Variants in CFAP44 observed in about 807,000 individuals in gnomAD.
CFAP44 encodes the protein cilia and flagella associated protein 44.
Under a neutral mutation model 216.2 loss-of-function variants are expected in CFAP44, and 134 were observed. The observed-to-expected ratio is 0.62, with a 90% CI of 0.54 to 0.72. CFAP44 has a LOEUF of 0.72. CFAP44 is among the 30% of genes least tolerant of loss of function. The pLI is 0.00. For missense variants in CFAP44, 2,035 were observed against 2,182.1 expected (o/e 0.93, Z 1.34); for synonymous variants, 700 against 727.6 (o/e 0.96, Z 0.61).
intron 3 of CFAP44, 83 bp downstream of exon 3, chr3:113,427,104 C>A (rs1177537650): frequency 7.0e-7 from 1 of 1,433,584 alleles, no homozygotes; most frequent in African/African-American, 1.4e-5. Context: ...ATTTTTCTTT[C>A]TATGGATTTA....
intron 15 of CFAP44, 32 bp downstream of exon 15, chr3:113,395,718 T>C (rs1471200490): frequency 6.4e-7 from 1 of 1,557,196 alleles, no homozygotes; most frequent in Non-Finnish European, 8.8e-7. Flanking sequence ...GTAATTGAGA[T>C]TCAAACAGGA....
At chr3:113,313,452 G>A (rs529360672) in intron 28 of CFAP44, among the ~76,000 whole-genome samples, 1 of 152,220 alleles carries the variant, frequency 6.6e-6, no homozygotes, top group African/African-American at 2.4e-5. Context: ...GGACTTTTGG[G>A]TTAATGCTGA....
chr3:113,322,509 G>A (rs1186208041), intron 28 of CFAP44, among the ~76,000 whole-genome samples: 1 of 152,114 alleles, frequency 6.6e-6, no homozygotes, highest in Admixed American at 6.5e-5. Flanking sequence ...CTAATCATCA[G>A]AGAAGTGCAA....
intron 19 of CFAP44, among the ~76,000 whole-genome samples, chr3:113,365,452 C>G (rs999353342): frequency 6.6e-6 from 1 of 152,078 alleles, no homozygotes; most frequent in Non-Finnish European, 1.5e-5. Flanking sequence ...AAACAAATTG[C>G]TTGATAATAT....
chr3:113,424,020 C>A (rs1934892346), intron 4 of CFAP44, among the ~76,000 whole-genome samples: 1 of 152,236 alleles, frequency 6.6e-6, no homozygotes, highest in Non-Finnish European at 1.5e-5. Context: ...GAGTCTAACT[C>A]CCTTTAGGTT....
intron 32 of CFAP44, among the ~76,000 whole-genome samples, chr3:113,302,367 T>C (rs960963401): frequency 1.4e-5 from 2 of 145,866 alleles, no homozygotes; most frequent in African/African-American, 5.1e-5. Flanking sequence ...CACATACACA[T>C]AGTGCACAAA....
intron 1 of CFAP44, among the ~76,000 whole-genome samples, chr3:113,438,069 G>A (rs1451174748): frequency 2.0e-5 from 3 of 152,184 alleles, no homozygotes; most frequent in Non-Finnish European, 4.4e-5. Context: ...ACTGTTAACA[G>A]GGTCTCACTC....
intron 28 of CFAP44, among the ~76,000 whole-genome samples, chr3:113,321,866 A>G (rs1414392837): frequency 1.3e-5 from 2 of 152,220 alleles, no homozygotes; most frequent in Non-Finnish European, 2.9e-5. Flanking sequence ...GAAATCAGAG[A>G]TGACAAAAAT....
intron 28 of CFAP44, among the ~76,000 whole-genome samples, chr3:113,323,634 T>C (rs1950164240): frequency 6.6e-6 from 1 of 152,226 alleles, no homozygotes; most frequent in African/African-American, 2.4e-5. Flanking sequence ...GTGATATTAC[T>C]ACAGACCCTG....
intron 1 of CFAP44, chr3:113,433,963 C>T: frequency 4.0e-6 from 1 of 251,872 alleles, no homozygotes; most frequent in Admixed American, 4.8e-5. Flanking sequence ...CCAGATGCTT[C>T]ACCATTAAAA....
At position 113,289,287 on chromosome 3, in the gene CFAP44, T is replaced by C. The variant is rs1177221553; in HGVS notation, c.*2270A>G. The C allele has an allele frequency of 1.3e-5, 2 of 152,230 alleles. No individual in the cohort carries two copies. Among genetic ancestry groups the C allele is most frequent in the African/African-American group, 4.8e-5 (2 of 41,464 alleles). 9.4% of individuals were successfully genotyped at this position (152,230 alleles called of 1,614,324 possible). On this transcript the variant is annotated 3_prime_UTR_variant, in exon 35 of 35. Coordinates refer to ENST00000393845, the MANE Select transcript of CFAP44 (RefSeq NM_001164496.2). ...ACATGCGGAATGAAGCCCTGAATATTGTAGAATTAACTAGTGATTTAGTCC... is the reference window on the plus strand; with the variant it reads ...ACATGCGGAATGAAGCCCTGAATATCGTAGAATTAACTAGTGATTTAGTCC...
intron 19 of CFAP44, among the ~76,000 whole-genome samples, chr3:113,365,623 T>C (rs1196497408): frequency 1.3e-5 from 2 of 152,148 alleles, no homozygotes; most frequent in African/African-American, 2.4e-5. Context: ...TAAAAACAAC[T>C]ATATTTTTGC....
intron 28 of CFAP44, 93 bp from the exon 29 acceptor site, chr3:113,308,361 C>T: frequency 9.8e-7 from 1 of 1,022,012 alleles, no homozygotes; most frequent in Non-Finnish European, 1.4e-6. Context: ...ATGAGTTAGT[C>T]ACTAGAAAAA....
chr3:113,327,542 T>C, intron 27 of CFAP44, 74 bp downstream of exon 27: 1 of 1,343,578 alleles, frequency 7.4e-7, no homozygotes, highest in Non-Finnish European at 1.0e-6. Flanking sequence ...GAGATTTGAG[T>C]TAAGAAGAAA....
At position 113,330,261 on chromosome 3, in the gene CFAP44, T is replaced by C; in HGVS notation, c.4023A>G (p.Glu1341=). ...TFSLDIPKCL[E]FEKAEPTDVE... ...CATCCGTTGGCTCTGCTTTTTCAAA[T>C]TCCAAACACTTTGGTATATCTAGGC... The change falls in exon 26 of 35, where the codon GAA becomes GAG. Residue 1341 remains glutamate, a synonymous_variant. Transcript: ENST00000393845. 1 of 1,537,564 alleles carries C rather than the reference T, an allele frequency of 6.5e-7. No homozygotes were observed. The highest frequency in any genetic ancestry group is 2.0e-5 in the Admixed American group (1 of 50,994).
chr3:113,348,309 T>G (rs1427525367), intron 22 of CFAP44, among the ~76,000 whole-genome samples: 1 of 152,096 alleles, frequency 6.6e-6, no homozygotes, highest in Non-Finnish European at 1.5e-5. Flanking sequence ...CTGGGACCAA[T>G]TTGACCCACA....
At chr3:113,415,669 G>C (rs1446669483) in intron 6 of CFAP44, among the ~76,000 whole-genome samples, 1 of 152,094 alleles carries the variant, frequency 6.6e-6, no homozygotes, top group Non-Finnish European at 1.5e-5. Context: ...GAAGTTGTGT[G>C]GTTTTTAGTG....
At chr3:113,394,079 G>A (rs1933923496) in intron 15 of CFAP44, among the ~76,000 whole-genome samples, 1 of 152,140 alleles carries the variant, frequency 6.6e-6, no homozygotes, top group African/African-American at 2.4e-5. Context: ...AAGTTGAAAA[G>A]ATAGTACAGA....
chr3:113,333,448 A>G lies in CFAP44; in HGVS notation c.3573T>C (p.Asn1191=). Residue 1191 remains asparagine, a synonymous_variant, in exon 25 of 35, where the codon AAT becomes AAC. Coordinates refer to ENST00000393845, the MANE Select transcript of CFAP44 (RefSeq NM_001164496.2). The part of the protein sequence containing the change: ...DYKIPEHMRI[N]AAKKEEELGH... The stretch of plus-strand genomic sequence containing the variant: ...CTAGTTCCTCTTCCTTCTTGGCAGC[A>G]TTTATTCTCATGTGCTCAGGTATCT... 1 of 1,536,960 alleles carries G rather than the reference A, an allele frequency of 6.5e-7. No individual in the cohort carries two copies. Among genetic ancestry groups the G allele is most frequent in the Non-Finnish European group, 8.7e-7 (1 of 1,146,786 alleles).
Sources: allele counts gnomAD v4.1 joint callset (sites outside exome capture counted in the v4.1 genomes callset), GRCh38; gene constraint gnomAD v4.1.1; transcripts MANE v1.5; gene names NCBI Gene and HGNC (gene_info 2026-07-23, HGNC 2026-07-21).